GRID1: variants seen among roughly 807,000 people sequenced by gnomAD.
The protein encoded by GRID1 is glutamate receptor ionotropic, delta-1.
GRID1 carries 28 observed loss-of-function variants against 98.0 expected under a neutral mutation model. The ratio of observed to expected loss-of-function variants is 0.29; its 90% CI spans 0.21 to 0.39. GRID1 has a LOEUF of 0.39. Ranked by LOEUF, GRID1 falls within the 10% of genes least tolerant of loss-of-function variation. GRID1 has a pLI of 1.00. For missense variants in GRID1, 1,111 were observed against 1,340.5 expected (o/e 0.83, Z 2.67); for synonymous variants, 553 against 538.5 (o/e 1.03, Z -0.37).
At chr10:85,734,935 T>C (rs1181906657) in intron 8 of GRID1, among the ~76,000 whole-genome samples, 1 of 152,172 alleles carries the variant, frequency 6.6e-6, no homozygotes, top group Admixed American at 6.6e-5. Flanking sequence ...AGGAGAGACA[T>C]GCATCCCTCC....
At chr10:85,699,040 T>G (rs1291327770) in intron 12 of GRID1, among the ~76,000 whole-genome samples, 1 of 152,080 alleles carries the variant, frequency 6.6e-6, no homozygotes, top group Non-Finnish European at 1.5e-5. Flanking sequence ...TTTGGGGTTT[T>G]GTTTTGTTTT....
chr10:85,795,446 C>T (rs1044451530), intron 8 of GRID1, among the ~76,000 whole-genome samples: 3 of 152,194 alleles, frequency 2.0e-5, no homozygotes, highest in African/African-American at 7.2e-5. Flanking sequence ...TCATCAAAGG[C>T]TCTCAGAAGC....
At position 85,636,128 on chromosome 10, in the gene GRID1, A is replaced by T. The variant is rs115756153; in HGVS notation, c.2193+11074T>A. On this transcript the variant is annotated intron_variant, in intron 13 of 15. Coordinates refer to ENST00000327946, the MANE Select transcript of GRID1 (RefSeq NM_017551.3). Reference sequence around the variant, plus strand: ...TCATGGTAGCTGTTGTGATTAAATTAATCTCCTGATTGTCCAAACATTGAC... The same window carrying T: ...TCATGGTAGCTGTTGTGATTAAATTTATCTCCTGATTGTCCAAACATTGAC... Among the ~76,000 whole-genome samples, 683 of 152,348 alleles carry T rather than the reference A, an allele frequency of 4.5e-3. 9 individuals carry two copies. Among genetic ancestry groups the T allele is most frequent in the African/African-American group, 0.016 (653 of 41,586 alleles).
At chr10:86,348,067 G>GTC (rs1054364652) in intron 2 of GRID1, among the ~76,000 whole-genome samples, 30 of 152,328 alleles carry the variant, frequency 2.0e-4, no homozygotes, top group Admixed American at 1.7e-3. Context: ...TATCACTGGG[G>GTC]TCTCAGTCCA....
At chr10:85,936,077 A>G (rs1841921759) in intron 4 of GRID1, among the ~76,000 whole-genome samples, 1 of 152,060 alleles carries the variant, frequency 6.6e-6, no homozygotes, top group African/African-American at 2.4e-5. Flanking sequence ...TAGGGGTTCT[A>G]TGGAGGGGTG....
At chr10:86,187,010 T>C (rs1845734423) in intron 3 of GRID1, among the ~76,000 whole-genome samples, 1 of 152,194 alleles carries the variant, frequency 6.6e-6, no homozygotes, top group Admixed American at 6.5e-5. Flanking sequence ...AGTGCCTTGG[T>C]GGACATCCCA....
intron 12 of GRID1, 98 bp from the exon 13 acceptor site, chr10:85,647,495 G>T (rs115340467): frequency 4.5e-6 from 4 of 885,542 alleles, no homozygotes; most frequent in Non-Finnish European, 7.2e-6. Flanking sequence ...CTCCAAGCCC[G>T]GCATGGCCCA....
intron 4 of GRID1, among the ~76,000 whole-genome samples, chr10:86,118,663 A>AT (rs1342537467): frequency 4.6e-5 from 7 of 152,122 alleles, no homozygotes; most frequent in African/African-American, 1.2e-4. Context: ...ACAAAGGGTC[A>AT]TTTTTTAGTG....
rs1333987197 is a variant in GRID1, at chr10:86,366,452, G to A, written c.-60C>T. 2 of 1,250,846 alleles carry A rather than the reference G, an allele frequency of 1.6e-6. No individual in the cohort carries two copies. Among genetic ancestry groups the A allele is most frequent in the East Asian group, 6.5e-5 (2 of 30,550 alleles). The allele number at this position is 1,250,846 out of a possible 1,614,324, so 77.5% of individuals were successfully genotyped here. ...GGGGCGAGGCCGAGGGCAGCGCGAA[G>A]CGGGGAGGCGCTGGTCCCGGTGCAG... On this transcript the variant is annotated 5_prime_UTR_variant, in exon 1 of 16. Transcript: ENST00000327946. This position sits in a 1 kb window ranked among gnomAD's most constrained non-coding sequence, Gnocchi z 4.1.
chr10:85,725,869 A>C (rs554752914), intron 10 of GRID1, among the ~76,000 whole-genome samples: 1 of 152,352 alleles, frequency 6.6e-6, no homozygotes, highest in East Asian at 1.9e-4. Context: ...CACTTGTCAC[A>C]CTGGCATCTC....
chr10:85,905,258 C>T (rs530948624), intron 5 of GRID1, among the ~76,000 whole-genome samples: 15 of 151,990 alleles, frequency 9.9e-5, no homozygotes, highest in Non-Finnish European at 1.6e-4. Flanking sequence ...ATACTGTTAA[C>T]CTAGAATTCT....
At chr10:86,080,449 GAGGGGAGGGGAGGGGAGGGA>G (rs1229028066) in intron 4 of GRID1, among the ~76,000 whole-genome samples, 2,004 of 11,378 alleles carry the variant, frequency 0.18, 135 homozygotes, top group Middle Eastern at 0.31. Flanking sequence ...GAGGGGAGGG[GAGGGGAGGGGAGGGGAGGGA>G]AGGGAAGGGA....
chr10:85,933,514 T>G (rs1841886901), intron 4 of GRID1, among the ~76,000 whole-genome samples: 2 of 152,128 alleles, frequency 1.3e-5, no homozygotes, highest in Non-Finnish European at 2.9e-5. Context: ...TTCATACACT[T>G]TGGAAAGGTG....
intron 5 of GRID1, among the ~76,000 whole-genome samples, chr10:85,915,479 A>C (rs1841602596): frequency 6.6e-6 from 1 of 151,962 alleles, no homozygotes. Context: ...ACAATCACAC[A>C]CATATTCACA....
chr10:86,015,899 G>A (rs1842974265), intron 4 of GRID1, among the ~76,000 whole-genome samples: 1 of 152,152 alleles, frequency 6.6e-6, no homozygotes, highest in South Asian at 2.1e-4. Context: ...TTCAGATGAT[G>A]CTAAGGACCA....
chr10:85,732,181 G>A (rs1841833614), intron 8 of GRID1, among the ~76,000 whole-genome samples: 1 of 152,126 alleles, frequency 6.6e-6, no homozygotes, highest in East Asian at 1.9e-4. Flanking sequence ...CTTAGCCCAG[G>A]TGCTGGAGCT....
At chr10:85,949,287 A>G (rs1330460489) in intron 4 of GRID1, among the ~76,000 whole-genome samples, 3 of 152,230 alleles carry the variant, frequency 2.0e-5, no homozygotes, top group African/African-American at 7.2e-5. Context: ...ATTTCCCAGA[A>G]GTAACCACTG....
At chr10:86,032,274 G>A (rs528253805) in intron 4 of GRID1, among the ~76,000 whole-genome samples, 18 of 152,168 alleles carry the variant, frequency 1.2e-4, no homozygotes, top group South Asian at 4.2e-4. Flanking sequence ...CGGCCACCCC[G>A]TCTGGGAGGT....
chr10:85,648,708 A>T lies in GRID1; in HGVS notation c.1998-1311T>A, dbSNP rs1321380808. On this transcript the variant is annotated intron_variant, in intron 12 of 15. Transcript: ENST00000327946. ...TGCTCCCTCTGCCTGGAATCCCTTT[A>T]TCTCCCTCCTCTAACAACACCTCTA... Among the ~76,000 whole-genome samples the T allele has an allele frequency of 2.0e-5, 3 of 152,128 alleles. No individual in the cohort carries two copies. The East Asian group carries it at 5.8e-4, about 29-fold the overall frequency.
Sources: gnomAD v4.1 joint callset for allele counts (sites outside exome capture counted in the v4.1 genomes callset) on GRCh38, gnomAD v4.1.1 for gene constraint, Gnocchi (gnomAD v3.1) non-coding constraint, MANE v1.5 for transcripts, NCBI Gene and HGNC (gene_info 2026-07-23, HGNC 2026-07-21) for gene names.